Variants in RC3H1 observed in about 807,000 individuals in gnomAD.
The protein encoded by RC3H1 is roquin-1.
RC3H1 carries 50 observed loss-of-function variants against 138.2 expected under a neutral mutation model. That is an observed-to-expected ratio of 0.36 (90% confidence interval 0.29 to 0.46). The LOEUF (loss-of-function observed/expected upper bound fraction) is 0.46. RC3H1 is among the 20% of genes least tolerant of loss of function. The pLI is 1.00. For missense variants in RC3H1, 1,031 were observed against 1,388.1 expected, an observed-to-expected ratio of 0.74 and a Z score of 4.09; for synonymous variants, 462 against 489.1, an observed-to-expected ratio of 0.94 and a Z score of 0.73.
chr1:174,011,940 C>T (rs1474272794), intron 1 of RC3H1, among the ~76,000 whole-genome samples: 2 of 152,076 alleles, frequency 1.3e-5, no homozygotes, highest in South Asian at 4.1e-4. Flanking sequence ...CAGCCAGGCA[C>T]GGTGGCTCAT....
chr1:173,940,285 A>T (rs1448978693), intron 19 of RC3H1, among the ~76,000 whole-genome samples: 1 of 152,168 alleles, frequency 6.6e-6, no homozygotes, highest in East Asian at 1.9e-4. Context: ...CAGCCTGACC[A>T]ACATGGAGAA....
intron 1 of RC3H1, among the ~76,000 whole-genome samples, chr1:174,003,951 G>A (rs1017596239): frequency 6.6e-6 from 1 of 151,352 alleles, no homozygotes; most frequent in South Asian, 2.1e-4. Context: ...ATAAGCCACT[G>A]CGCCCGGCAA....
intron 11 of RC3H1, among the ~76,000 whole-genome samples, chr1:173,963,541 A>AT (rs1421947038): frequency 1.3e-5 from 2 of 152,124 alleles, no homozygotes; most frequent in African/African-American, 4.8e-5. Flanking sequence ...TTTTTCATAT[A>AT]TATTACAGGG....
At chr1:174,012,641 G>T (rs527539807) in intron 1 of RC3H1, among the ~76,000 whole-genome samples, 1 of 151,872 alleles carries the variant, frequency 6.6e-6, no homozygotes, top group African/African-American at 2.4e-5. Flanking sequence ...AAAATTAGCC[G>T]GGTGTGGTGG....
intron 1 of RC3H1, among the ~76,000 whole-genome samples, chr1:174,007,747 C>T (rs1661680042): frequency 1.3e-5 from 2 of 152,134 alleles, no homozygotes; most frequent in African/African-American, 2.4e-5. Flanking sequence ...TGTGAGCCAC[C>T]GCGTCCGGCC....
At chr1:174,015,402 G>A (rs918351898) in intron 1 of RC3H1, among the ~76,000 whole-genome samples, 1 of 149,886 alleles carries the variant, frequency 6.7e-6, no homozygotes, top group Non-Finnish European at 1.5e-5. Flanking sequence ...TCGCTCTGTC[G>A]CCCAGGCTGG....
At position 174,013,162 on chromosome 1, in the gene RC3H1, A is replaced by G. The variant is rs114490606; in HGVS notation, c.-151+8934T>C. Among the ~76,000 whole-genome samples the G allele has an allele frequency of 7.1e-3, 1,075 of 152,198 alleles. 20 individuals carry two copies. Among genetic ancestry groups the G allele is most frequent in the African/African-American group, 0.025 (1,037 of 41,544 alleles). ...GGGAGTAAAGGATTTTAAATAACCA[A>G]TTGAGGGTTGCTGATAGTACAAGCA... is the stretch of plus-strand genomic sequence containing the variant. On this transcript the variant is annotated intron_variant, in intron 1 of 19. Transcript: ENST00000367696.
chr1:173,954,245 A>T (rs1429921209), intron 13 of RC3H1, among the ~76,000 whole-genome samples: 1 of 152,238 alleles, frequency 6.6e-6, no homozygotes, highest in Non-Finnish European at 1.5e-5. Flanking sequence ...CTATTCAGAC[A>T]TAAAAAAATA....
Position 173,936,251 on chromosome 1 carries a change from G to A in RC3H1, c.*2470C>T, listed in dbSNP as rs994539037. 1 of 151,998 alleles carries A rather than the reference G, an allele frequency of 6.6e-6. No homozygotes were observed. Among genetic ancestry groups the A allele is most frequent in the African/African-American group, 2.4e-5 (1 of 41,372 alleles). 9.4% of individuals were successfully genotyped at this position (151,998 alleles called of 1,614,324 possible). A position where few individuals can be genotyped will look rare whatever the true frequency, so the allele number is the denominator to read the frequency against. On this transcript the variant is annotated 3_prime_UTR_variant, in exon 20 of 20. Transcript: ENST00000367696. The stretch of plus-strand genomic sequence containing the variant: ...ACCCACAAATTATCTTCTAATACAA[G>A]AATCATTCTGAATTCCAAAGTGAAT...
chr1:173,961,648 T>C, intron 12 of RC3H1, 77 bp downstream of exon 12: 1 of 1,325,200 alleles, frequency 7.5e-7, no homozygotes, highest in Non-Finnish European at 1.0e-6. Context: ...AGGGTTATTG[T>C]CATTGCATAA....
At chr1:174,015,453 C>A (rs1160716532) in intron 1 of RC3H1, among the ~76,000 whole-genome samples, 1 of 151,886 alleles carries the variant, frequency 6.6e-6, no homozygotes, top group African/African-American at 2.4e-5. Context: ...ACCTCCTCCG[C>A]CTCCTGGGTT....
chr1:173,991,991 T>G (rs1661304276), intron 2 of RC3H1, among the ~76,000 whole-genome samples: 2 of 150,552 alleles, frequency 1.3e-5, no homozygotes, highest in South Asian at 4.2e-4. Context: ...AATGTTGTGC[T>G]ATAGTTTTTG....
rs1658404867 is a variant in RC3H1 at position 173,932,129 on chromosome 1, T to C, written c.*6592A>G. The C allele has an allele frequency of 6.6e-6, 1 of 152,090 alleles. No individual in the cohort carries two copies. Among genetic ancestry groups the C allele is most frequent in the South Asian group, 2.1e-4 (1 of 4,826 alleles). 9.4% of individuals were successfully genotyped at this position (152,090 alleles called of 1,614,324 possible). On this transcript the variant is annotated 3_prime_UTR_variant, in exon 20 of 20. Coordinates refer to ENST00000367696, the MANE Select transcript of RC3H1 (RefSeq NM_172071.4). ...ATTAACCAAGATTATTTTTGTCTTG[T>C]TAAATATACCTCTGCAGGGCACAAT...
chr1:173,999,559 A>G (rs1360378182), intron 1 of RC3H1, among the ~76,000 whole-genome samples: 1 of 152,232 alleles, frequency 6.6e-6, no homozygotes, highest in Non-Finnish European at 1.5e-5. Flanking sequence ...ACATATTGTG[A>G]GCATCGATGT....
At chr1:174,017,396 T>C (rs1283536283) in intron 1 of RC3H1, among the ~76,000 whole-genome samples, 1 of 152,236 alleles carries the variant, frequency 6.6e-6, no homozygotes, top group African/African-American at 2.4e-5. Flanking sequence ...CCTGGCAGCA[T>C]GTCTACTGTA....
intron 2 of RC3H1, among the ~76,000 whole-genome samples, chr1:173,990,519 G>A (rs759205156): frequency 6.3e-5 from 8 of 126,208 alleles, no homozygotes; most frequent in Non-Finnish European, 1.1e-4. Flanking sequence ...CTTTATTAAG[G>A]GCCTATGTAC....
intron 11 of RC3H1, among the ~76,000 whole-genome samples, chr1:173,963,163 T>G (rs568985398): frequency 6.6e-6 from 1 of 152,344 alleles, no homozygotes; most frequent in South Asian, 2.1e-4. Flanking sequence ...ATTTTCAAAT[T>G]TGTCTATTTT....
intron 13 of RC3H1, among the ~76,000 whole-genome samples, chr1:173,954,952 T>C (rs1253641814): frequency 2.6e-5 from 4 of 151,590 alleles, no homozygotes; most frequent in Non-Finnish European, 4.4e-5. Flanking sequence ...TTAGGCTGGG[T>C]GTGGTGGCTC....
chr1:173,992,685 C>G, intron 2 of RC3H1, 70 bp downstream of exon 2: 1 of 1,126,712 alleles, frequency 8.9e-7, no homozygotes, highest in Non-Finnish European at 1.3e-6. Context: ...CACACACACA[C>G]ACACACACAC....
Sources: allele counts gnomAD v4.1 joint callset (sites outside exome capture counted in the v4.1 genomes callset), GRCh38; gene constraint gnomAD v4.1.1; transcripts MANE v1.5; gene names NCBI Gene and HGNC (gene_info 2026-07-23, HGNC 2026-07-21).